Variants in WDR3 observed in about 807,000 individuals in gnomAD.
WDR3 encodes WD repeat-containing protein 3.
In WDR3, 81 loss-of-function variants were observed where a neutral mutation model predicts 123.7. The observed-to-expected ratio is 0.65, with a 90% CI of 0.55 to 0.79. The LOEUF is 0.79. Among genes scored for constraint, WDR3 ranks in the 30% least tolerant of loss-of-function variants. The pLI is 0.00. For synonymous variants in WDR3, 390 were observed against 388.8 expected (o/e 1.00, Z -0.04); for missense variants, 1,027 against 1,123.2 (o/e 0.91, Z 1.22).
chr1:117,950,185 A>T, intron 15 of WDR3, 55 bp downstream of exon 15: 1 of 1,602,970 alleles, frequency 6.2e-7, no homozygotes, highest in South Asian at 1.1e-5. Context: ...GACCTTAAGA[A>T]TTTGGGTTGA....
intron 25 of WDR3, among the ~76,000 whole-genome samples, chr1:117,958,138 A>G (rs1003081761): frequency 6.6e-6 from 1 of 152,216 alleles, no homozygotes; most frequent in African/African-American, 2.4e-5. Context: ...TGGTCAGCCA[A>G]TGCCAAATAG....
In WDR3 at chr1:117,940,898, G is replaced by A; in HGVS notation, c.747G>A (p.Glu249=). The change falls in exon 7 of 27, where the codon GAG becomes GAA. Residue 249 remains glutamate (E), a synonymous_variant. Coordinates refer to ENST00000349139, the MANE Select transcript of WDR3 (RefSeq NM_006784.3). ...GSSPGIQDTL[E]AEDGAFETDE... ...CTCCTGGAATACAAGATACTCTTGA[G>A]GCAGAGGATGGTGCCTTTGAGACGG... is the stretch of plus-strand genomic sequence containing the variant. 1.2e-6 allele frequency: 2 copies of A among 1,614,052 alleles called. No homozygotes were observed. Among genetic ancestry groups the A allele is most frequent in the Non-Finnish European group, 1.7e-6 (2 of 1,179,998 alleles).
At chr1:117,931,917 T>G (rs1650746843) in intron 1 of WDR3, among the ~76,000 whole-genome samples, 2 of 152,308 alleles carry the variant, frequency 1.3e-5, no homozygotes, top group East Asian at 1.9e-4. Flanking sequence ...TGAATTTTTT[T>G]TGTGTTAGAC....
chr1:117,956,973 C>G, intron 24 of WDR3, 95 bp from the exon 25 acceptor site: 1 of 1,104,646 alleles, frequency 9.1e-7, no homozygotes, highest in Non-Finnish European at 1.2e-6. Flanking sequence ...AGTATAAAAT[C>G]AGTAGAAAAA....
At chr1:117,947,934 A>G (rs150964087) in intron 12 of WDR3, among the ~76,000 whole-genome samples, 423 of 152,218 alleles carry the variant, frequency 2.8e-3, no homozygotes, top group African/African-American at 1.0e-2. Flanking sequence ...GGTAGATCCC[A>G]TTTCTTATTG....
intron 2 of WDR3, among the ~76,000 whole-genome samples, chr1:117,934,155 G>A (rs780622991): frequency 2.0e-5 from 3 of 152,178 alleles, no homozygotes; most frequent in African/African-American, 2.4e-5. Flanking sequence ...TGAAAATCAC[G>A]TAGTGTTGTT....
chr1:117,937,336 T>TA (rs1305894914), intron 4 of WDR3, among the ~76,000 whole-genome samples: 1 of 152,138 alleles, frequency 6.6e-6, no homozygotes, highest in Non-Finnish European at 1.5e-5. Context: ...TTTGTGTACA[T>TA]AAAAAATCAT....
rs1276338995 is a variant in WDR3 at position 117,964,566 on chromosome 1, G to T, written c.*5119G>T. ...TCATTACTCAAAGGAAGAGAAAAAG[G>T]GAGGGGAGGAAGGTGAGAGGAAGGG... On this transcript the variant is annotated 3_prime_UTR_variant, in exon 27 of 27. Coordinates refer to ENST00000349139, the MANE Select transcript of WDR3 (RefSeq NM_006784.3). 6.6e-6 allele frequency: 1 copy of T among 152,044 alleles called. No individual in the cohort carries two copies. The allele number at this position is 152,044 out of a possible 1,614,324, so 9.4% of individuals were successfully genotyped here. A position where few individuals can be genotyped will look rare whatever the true frequency, so the allele number is the denominator to read the frequency against.
rs767399749 is a variant in WDR3, at chr1:117,953,456, G to C, written c.2203-20G>C. On this transcript the variant is annotated intron_variant, in intron 20 of 26. Transcript: ENST00000349139. ...TCAACAGTCAACAGTGTTATTCAAG[G>C]ATTTCTTTGTTTCTGGCAGGTTCCA... The C allele has an allele frequency of 6.2e-7, 1 of 1,611,634 alleles. No individual in the cohort carries two copies. Among genetic ancestry groups the C allele is most frequent in the Non-Finnish European group, 8.5e-7 (1 of 1,178,364 alleles).
At chr1:117,949,907 T>G in intron 14 of WDR3, 71 bp downstream of exon 14, 1 of 1,610,134 alleles carries the variant, frequency 6.2e-7, no homozygotes, top group Non-Finnish European at 8.5e-7. Flanking sequence ...TTTTGACGTC[T>G]TATATCATTT....
At chr1:117,950,228 C>A in intron 15 of WDR3, 98 bp downstream of exon 15, 2 of 1,371,278 alleles carry the variant, frequency 1.5e-6, no homozygotes, top group Non-Finnish European at 2.0e-6. Flanking sequence ...CTGTGCCCAG[C>A]GATAGTACAT....
Position 117,942,529 on chromosome 1 carries a change from C to G in WDR3, c.1082C>G (p.Thr361Ser). ...ATCCAGCGGGTGACTAATATAAAAA[C>G]TTCTGCCAAAATCAAGTGAGTAAAA... The part of the protein sequence containing the change: ...DEIQRVTNIK[T>S]SAKIKSFDLI... The change falls in exon 10 of 27, where the codon ACT becomes AGT. Residue 361 changes from threonine to serine, a missense_variant. By Grantham distance (58) the Thr-to-Ser change is moderately conservative (BLOSUM62 1). Coordinates refer to ENST00000349139, the MANE Select transcript of WDR3 (RefSeq NM_006784.3). 1.2e-6 allele frequency: 2 copies of G among 1,613,626 alleles called. No individual in the cohort carries two copies. The highest frequency in any genetic ancestry group is 2.2e-5 in the South Asian group (2 of 91,048).
At chr1:117,954,188 A>C (rs1338131181) in intron 22 of WDR3, 89 bp downstream of exon 22, 1 of 1,074,550 alleles carries the variant, frequency 9.3e-7, no homozygotes, top group Non-Finnish European at 1.4e-6. Flanking sequence ...AACTAAGATC[A>C]GGATATGCAA....
intron 15 of WDR3, 131 bp from the exon 16 acceptor site, chr1:117,950,703 G>A (rs1204674954): frequency 5.2e-6 from 4 of 773,700 alleles, no homozygotes; most frequent in Non-Finnish European, 8.4e-6. Flanking sequence ...GCTGTCTTTT[G>A]TGGGTTGTCT....
At position 117,959,470 on chromosome 1, in the gene WDR3, T is replaced by A; in HGVS notation, c.*23T>A. The A allele has an allele frequency of 1.3e-6, 2 of 1,557,360 alleles. No individual in the cohort carries two copies. The highest frequency in any genetic ancestry group is 1.7e-6 in the Non-Finnish European group (2 of 1,155,342). ...TAGAACTGAAATGTGGTATCTTTTTTTTTTTCAACTTTTTCCTTTAAAGGA... is the reference window on the plus strand; with the variant it reads ...TAGAACTGAAATGTGGTATCTTTTTATTTTTCAACTTTTTCCTTTAAAGGA... On this transcript the variant is annotated 3_prime_UTR_variant, in exon 27 of 27. Transcript: ENST00000349139.
intron 20 of WDR3, 33 bp downstream of exon 20, chr1:117,953,029 C>G (rs191840950): frequency 6.2e-7 from 1 of 1,605,846 alleles, no homozygotes; most frequent in Non-Finnish European, 8.5e-7. Context: ...GAGATTATGC[C>G]CCATATATAG....
intron 15 of WDR3, 139 bp from the exon 16 acceptor site, chr1:117,950,695 T>C: frequency 1.4e-6 from 1 of 715,340 alleles, no homozygotes; most frequent in Non-Finnish European, 2.3e-6. Context: ...CCTGCCAAGC[T>C]GTCTTTTGTG....
intron 1 of WDR3, among the ~76,000 whole-genome samples, chr1:117,932,565 A>G (rs1449504878): frequency 6.6e-6 from 1 of 152,110 alleles, no homozygotes; most frequent in Non-Finnish European, 1.5e-5. Flanking sequence ...TTAATAGTGT[A>G]TTTCCAGTGT....
intron 19 of WDR3, 67 bp from the exon 20 acceptor site, chr1:117,952,876 TTCC>T: frequency 6.4e-7 from 1 of 1,567,656 alleles, no homozygotes; most frequent in Non-Finnish European, 8.7e-7. Flanking sequence ...AGCTTCTCGC[TTCC>T]TCATTTCTCT....
Sources: gnomAD v4.1 joint callset for allele counts (sites outside exome capture counted in the v4.1 genomes callset) on GRCh38, gnomAD v4.1.1 for gene constraint, MANE v1.5 for transcripts, NCBI Gene and HGNC (gene_info 2026-07-23, HGNC 2026-07-21) for gene names.